ADGRB3: variants seen among roughly 807,000 people sequenced by gnomAD.
ADGRB3 encodes brain-specific angiogenesis inhibitor 3.
In ADGRB3, 37 loss-of-function variants were observed where a neutral mutation model predicts 193.4. The observed-to-expected ratio is 0.19, with a 90% CI of 0.15 to 0.25. The LOEUF is 0.25. Ranked by LOEUF, ADGRB3 falls within the 10% of genes least tolerant of loss-of-function variation. The pLI is 1.00. For synonymous variants in ADGRB3, 690 were observed against 644.2 expected, an observed-to-expected ratio of 1.07 and a Z score of -1.08; for missense variants, 1,637 against 1,852.9, an observed-to-expected ratio of 0.88 and a Z score of 2.14.
intron 3 of ADGRB3, among the ~76,000 whole-genome samples, chr6:68,801,763 C>T (rs1181762971): frequency 6.6e-6 from 1 of 152,096 alleles, no homozygotes; most frequent in Admixed American, 6.6e-5. Flanking sequence ...TCAGTGCTCT[C>T]CTCTTCCTTA....
At chr6:69,223,877 G>A (rs1185804507) in intron 17 of ADGRB3, among the ~76,000 whole-genome samples, 2 of 151,646 alleles carry the variant, frequency 1.3e-5, no homozygotes, top group Admixed American at 6.6e-5. Flanking sequence ...GGCTGGTCTC[G>A]AACTCCTTGC....
At chr6:69,166,050 A>G (rs1194421874) in intron 17 of ADGRB3, among the ~76,000 whole-genome samples, 1 of 152,096 alleles carries the variant, frequency 6.6e-6, no homozygotes, top group Non-Finnish European at 1.5e-5. Flanking sequence ...TTACCGTTGT[A>G]CTCAGAATTT....
At chr6:68,656,379 TAGAG>T (rs898398228) in intron 3 of ADGRB3, among the ~76,000 whole-genome samples, 8 of 151,518 alleles carry the variant, frequency 5.3e-5, no homozygotes, top group Admixed American at 2.0e-4. Context: ...CATAATCTCT[TAGAG>T]AGAACTTCAG....
intron 17 of ADGRB3, among the ~76,000 whole-genome samples, chr6:69,098,804 T>A (rs1024140103): frequency 6.6e-6 from 1 of 152,202 alleles, no homozygotes; most frequent in Non-Finnish European, 1.5e-5. Flanking sequence ...GACTTTTTTT[T>A]CATATGAAAT....
chr6:69,307,697 TC>T lies in ADGRB3; in HGVS notation c.2815-17172del, dbSNP rs980125251. On this transcript the variant is annotated intron_variant, in intron 20 of 31. Transcript: ENST00000370598. ...AGGACTTTTTTTTTCTCCTGAGCCC[TC>T]CCATGTCTTGGGTTCAAGATCTTTA... is the stretch of plus-strand genomic sequence containing the variant. Among the ~76,000 whole-genome samples the T allele has an allele frequency of 3.7e-4, 56 of 151,526 alleles. 2 individuals carry two copies. Among genetic ancestry groups the T allele is most frequent in the African/African-American group, 1.3e-3 (54 of 41,206 alleles).
At chr6:68,719,538 T>A (rs1005147838) in intron 3 of ADGRB3, among the ~76,000 whole-genome samples, 11 of 151,794 alleles carry the variant, frequency 7.2e-5, no homozygotes, top group African/African-American at 2.7e-4. Flanking sequence ...AGAACTCTGA[T>A]GCCTCTGTTT....
intron 13 of ADGRB3, among the ~76,000 whole-genome samples, chr6:69,031,714 A>T (rs1770715512): frequency 6.6e-6 from 1 of 150,990 alleles, no homozygotes; most frequent in Non-Finnish European, 1.5e-5. Context: ...AGCTCACTAC[A>T]ACCTCCACCT....
At chr6:68,785,255 A>T (rs1016763638) in intron 3 of ADGRB3, among the ~76,000 whole-genome samples, 1 of 151,386 alleles carries the variant, frequency 6.6e-6, no homozygotes, top group Non-Finnish European at 1.5e-5. Flanking sequence ...TGCTGCACCC[A>T]TTAACTCGTC....
At chr6:69,025,586 T>A (rs1362116100) in intron 13 of ADGRB3, among the ~76,000 whole-genome samples, 1 of 151,884 alleles carries the variant, frequency 6.6e-6, no homozygotes, top group Non-Finnish European at 1.5e-5. Flanking sequence ...CAGCTAGATT[T>A]GAGTCTGAAT....
intron 3 of ADGRB3, among the ~76,000 whole-genome samples, chr6:68,802,501 A>G (rs1170439490): frequency 6.6e-6 from 1 of 152,192 alleles, no homozygotes; most frequent in African/African-American, 2.4e-5. Flanking sequence ...CTCAATAAAT[A>G]TTGGTACAGA....
intron 3 of ADGRB3, among the ~76,000 whole-genome samples, chr6:68,852,202 A>G (rs940557135): frequency 2.0e-5 from 3 of 151,916 alleles, no homozygotes; most frequent in Non-Finnish European, 4.4e-5. Flanking sequence ...TTTAATCATG[A>G]GTGTCCAGAT....
At chr6:69,374,678 A>G (rs539426858) in intron 30 of ADGRB3, among the ~76,000 whole-genome samples, 25 of 152,086 alleles carry the variant, frequency 1.6e-4, no homozygotes, top group Non-Finnish European at 3.1e-4. Flanking sequence ...TCTGGAAACT[A>G]TACAGAAAAT....
At chr6:68,767,901 TAAAC>T (rs1163596161) in intron 3 of ADGRB3, among the ~76,000 whole-genome samples, 2 of 151,894 alleles carry the variant, frequency 1.3e-5, no homozygotes, top group Non-Finnish European at 2.9e-5. Flanking sequence ...CAATGTTAGA[TAAAC>T]AGAGAGCCAA....
At chr6:68,672,993 C>A (rs1285756834) in intron 3 of ADGRB3, among the ~76,000 whole-genome samples, 1 of 152,004 alleles carries the variant, frequency 6.6e-6, no homozygotes, top group Non-Finnish European at 1.5e-5. Context: ...CTAGCCTCCA[C>A]AATTATGTGA....
chr6:69,214,750 T>C (rs995898031), intron 17 of ADGRB3, among the ~76,000 whole-genome samples: 37 of 151,760 alleles, frequency 2.4e-4, no homozygotes, highest in African/African-American at 6.8e-4. Context: ...GCAAACGTAA[T>C]TGTGGTTTTT....
At chr6:68,854,155 TTC>T (rs1764884961) in intron 3 of ADGRB3, among the ~76,000 whole-genome samples, 1 of 152,186 alleles carries the variant, frequency 6.6e-6, no homozygotes, top group Non-Finnish European at 1.5e-5. Context: ...TCCACTCTCT[TTC>T]TAAAGCATTT....
chr6:68,711,405 C>A (rs1361407668), intron 3 of ADGRB3, among the ~76,000 whole-genome samples: 1 of 152,014 alleles, frequency 6.6e-6, no homozygotes, highest in East Asian at 1.9e-4. Context: ...AATTTACGAA[C>A]TTAGCAAATG....
intron 20 of ADGRB3, among the ~76,000 whole-genome samples, chr6:69,285,596 G>A (rs577429360): frequency 2.0e-5 from 3 of 152,096 alleles, no homozygotes; most frequent in South Asian, 2.1e-4. Flanking sequence ...GCTTGAACCC[G>A]GGAGGCAGAA....
intron 17 of ADGRB3, among the ~76,000 whole-genome samples, chr6:69,080,516 C>A (rs1772357016): frequency 6.6e-6 from 1 of 151,864 alleles, no homozygotes; most frequent in African/African-American, 2.4e-5. Context: ...TTGGAGACTT[C>A]ATTTAAGCAA....
Sources: allele counts gnomAD v4.1 joint callset (sites outside exome capture counted in the v4.1 genomes callset), GRCh38; gene constraint gnomAD v4.1.1; transcripts MANE v1.5; gene names NCBI Gene and HGNC (gene_info 2026-07-23, HGNC 2026-07-21).